Variants in PTPRD observed in about 807,000 individuals in gnomAD.
PTPRD encodes the protein receptor-type tyrosine-protein phosphatase delta.
PTPRD carries 34 observed loss-of-function variants against 214.5 expected under a neutral mutation model. That is an observed-to-expected ratio of 0.16 (90% CI 0.12 to 0.21). PTPRD has a LOEUF of 0.21. PTPRD is among the 10% of genes least tolerant of loss of function. The pLI is 1.00. For missense variants in PTPRD, 2,545 were observed against 2,398.7 expected, an observed-to-expected ratio of 1.06 and a Z score of -1.27; for synonymous variants, 1,128 against 845.7, an observed-to-expected ratio of 1.33 and a Z score of -5.79.
At chr9:8,403,398 C>T (rs924534661) in intron 36 of PTPRD, among the ~76,000 whole-genome samples, 2 of 152,202 alleles carry the variant, frequency 1.3e-5, no homozygotes, top group African/African-American at 4.8e-5. Context: ...CTTCTGGGCA[C>T]TAATGAGGGT....
At chr9:8,435,471 T>A (rs2095305611) in intron 35 of PTPRD, among the ~76,000 whole-genome samples, 1 of 152,166 alleles carries the variant, frequency 6.6e-6, no homozygotes, top group South Asian at 2.1e-4. Context: ...GAAACCCCGA[T>A]GGTGAAATTT....
intron 2 of PTPRD, among the ~76,000 whole-genome samples, chr9:10,466,720 C>A (rs1052548911): frequency 6.7e-6 from 1 of 149,724 alleles, no homozygotes; most frequent in Non-Finnish European, 1.5e-5. Flanking sequence ...AGAATTCAGA[C>A]TTCGAGCATC....
intron 29 of PTPRD, 121 bp downstream of exon 29, chr9:8,485,106 G>A: frequency 1.4e-6 from 1 of 727,354 alleles, no homozygotes; most frequent in South Asian, 1.8e-5. Context: ...AGTCACAAAT[G>A]AAAATAGCAA....
intron 9 of PTPRD, among the ~76,000 whole-genome samples, chr9:9,388,317 A>T (rs897759917): frequency 1.3e-5 from 2 of 152,070 alleles, no homozygotes; most frequent in African/African-American, 4.8e-5. Flanking sequence ...GCCTGTCCTC[A>T]ACTAGGTCTG....
intron 4 of PTPRD, among the ~76,000 whole-genome samples, chr9:9,981,033 C>T (rs569686468): frequency 6.6e-6 from 1 of 150,466 alleles, no homozygotes; most frequent in Admixed American, 6.7e-5. Context: ...ATTTCCATTC[C>T]AAGATCTATT....
chr9:10,316,755 T>C (rs977525708), intron 3 of PTPRD, among the ~76,000 whole-genome samples: 2 of 151,948 alleles, frequency 1.3e-5, no homozygotes, highest in Non-Finnish European at 2.9e-5. Flanking sequence ...ATTATTCTAA[T>C]CTAAAAAAGA....
intron 9 of PTPRD, among the ~76,000 whole-genome samples, chr9:9,321,518 G>T (rs1282343298): frequency 8.5e-5 from 12 of 141,716 alleles, no homozygotes; most frequent in African/African-American, 2.4e-4. Flanking sequence ...TCACACCATT[G>T]CACCCCAGCC....
intron 3 of PTPRD, among the ~76,000 whole-genome samples, chr9:10,326,256 GCTAATGT>G (rs1306275600): frequency 6.6e-6 from 1 of 151,022 alleles, no homozygotes; most frequent in Non-Finnish European, 1.5e-5. Flanking sequence ...CAGGTAAAAT[GCTAATGT>G]CCAAAAAAGA....
intron 4 of PTPRD, among the ~76,000 whole-genome samples, chr9:9,998,129 A>AAAAAAAAATATATAT (rs57991748): frequency 4.4e-5 from 4 of 91,462 alleles, no homozygotes; most frequent in Non-Finnish European, 7.9e-5. Flanking sequence ...AAAAAAAAAA[A>AAAAAAAAATATATAT]ATATATATAT....
intron 4 of PTPRD, among the ~76,000 whole-genome samples, chr9:10,023,033 GTTAAAA>G (rs957562778): frequency 2.6e-5 from 4 of 152,136 alleles, no homozygotes; most frequent in Admixed American, 6.5e-5. Context: ...TTGTCCAACT[GTTAAAA>G]TTAAAATAAT....
At chr9:8,411,198 A>C (rs1331428236) in intron 35 of PTPRD, among the ~76,000 whole-genome samples, 1 of 152,114 alleles carries the variant, frequency 6.6e-6, no homozygotes, top group African/African-American at 2.4e-5. Flanking sequence ...TTTTTGAGAG[A>C]TCGTTCCAAA....
intron 2 of PTPRD, among the ~76,000 whole-genome samples, chr9:10,544,125 A>G (rs986334116): frequency 2.0e-5 from 3 of 152,176 alleles, no homozygotes; most frequent in Non-Finnish European, 4.4e-5. Flanking sequence ...TCCCTACTTT[A>G]TAAGTAGGCT....
chr9:9,561,518 A>C (rs889769809), intron 8 of PTPRD, among the ~76,000 whole-genome samples: 3 of 152,228 alleles, frequency 2.0e-5, no homozygotes, highest in African/African-American at 7.2e-5. Context: ...ATTTATCATC[A>C]AACCATTTGG....
chr9:9,755,677 C>T (rs147840052), intron 6 of PTPRD, among the ~76,000 whole-genome samples: 94 of 152,064 alleles, frequency 6.2e-4, no homozygotes, highest in African/African-American at 2.2e-3. Flanking sequence ...CATTTACACA[C>T]GTGGAAATTT....
chr9:9,036,758 G>T (rs929519934), intron 10 of PTPRD, among the ~76,000 whole-genome samples: 1 of 152,032 alleles, frequency 6.6e-6, no homozygotes, highest in Non-Finnish European at 1.5e-5. Context: ...CTCCTCTCCT[G>T]TTTGTCCCCA....
At chr9:10,506,200 T>G (rs1259644575) in intron 2 of PTPRD, among the ~76,000 whole-genome samples, 1 of 152,160 alleles carries the variant, frequency 6.6e-6, no homozygotes, top group Non-Finnish European at 1.5e-5. Flanking sequence ...CTTCAAGACT[T>G]TTTTTATCAC....
At position 9,019,317 on chromosome 9, in the gene PTPRD, A is replaced by AAAGAAAGAAAGAAAGAAAGAAAGG. The variant is rs1569429062; in HGVS notation, c.-142-583_-142-582insCCTTTCTTTCTTTCTTTCTTTCTT. On this transcript the variant is annotated intron_variant, in intron 10 of 45. Coordinates refer to ENST00000381196, the MANE Select transcript of PTPRD (RefSeq NM_002839.4). ...GAAAGAAAGAAAGAAAGAAAGAAAGAAAGAAAGAAAGAAAGAAAGAACGAA... is the reference window on the plus strand; with the variant it reads ...GAAAGAAAGAAAGAAAGAAAGAAAGAAAGAAAGAAAGAAAGAAAGAAAGGAAGAAAGAAAGAAAGAAAGAACGAA... 1.6e-3 allele frequency among the ~76,000 whole-genome samples: 182 copies of AAAGAAAGAAAGAAAGAAAGAAAGG among 116,940 alleles called. 2 individuals carry two copies. The highest frequency in any genetic ancestry group is 2.5e-3 in the Non-Finnish European group (143 of 57,644). 76.7% of individuals were successfully genotyped at this position (116,940 alleles called of 152,430 possible). A position where few individuals can be genotyped will look rare whatever the true frequency, so the allele number is the denominator to read the frequency against.
chr9:8,884,392 G>A (rs2098469916), intron 11 of PTPRD, among the ~76,000 whole-genome samples: 1 of 152,232 alleles, frequency 6.6e-6, no homozygotes, highest in Non-Finnish European at 1.5e-5. Flanking sequence ...CTTGGTTGAA[G>A]TGGAAGGCAC....
intron 2 of PTPRD, among the ~76,000 whole-genome samples, chr9:10,470,291 C>T (rs973219714): frequency 3.3e-5 from 5 of 151,782 alleles, no homozygotes; most frequent in African/African-American, 9.7e-5. Context: ...AAAAATAAAG[C>T]TCAGGGAACA....
Sources: allele counts gnomAD v4.1 joint callset (sites outside exome capture counted in the v4.1 genomes callset), GRCh38; gene constraint gnomAD v4.1.1; transcripts MANE v1.5; gene names NCBI Gene and HGNC (gene_info 2026-07-23, HGNC 2026-07-21).